NREP: variants seen among roughly 807,000 people sequenced by gnomAD.
NREP encodes neuronal regeneration related protein.
In NREP, 5 loss-of-function variants were observed where a neutral mutation model predicts 8.6. That is an observed-to-expected ratio of 0.58 (90% CI 0.30 to 1.22). The LOEUF (loss-of-function observed/expected upper bound fraction) is 1.22, where lower values mean the gene tolerates loss of function less well. Ranked by LOEUF, NREP falls within the 50% of genes most tolerant of loss-of-function variation. The pLI is 0.07. For missense variants in NREP, 86 were observed against 82.5 expected (o/e 1.04, Z -0.17); for synonymous variants, 27 against 28.0 (o/e 0.96, Z 0.11).
chr5:111,824,145 C>T (rs1206679687), intron 2 of NREP, among the ~76,000 whole-genome samples: 1 of 152,030 alleles, frequency 6.6e-6, no homozygotes, highest in South Asian at 2.1e-4. Flanking sequence ...CTGAGTCGGG[C>T]GGATCACGAG....
At chr5:111,923,043 T>A (rs548057759) in intron 2 of NREP, among the ~76,000 whole-genome samples, 1 of 152,322 alleles carries the variant, frequency 6.6e-6, no homozygotes, top group Admixed American at 6.5e-5. Flanking sequence ...AAAAGCCTAT[T>A]AATTTCCTGA....
At chr5:111,807,077 C>G (rs1032782941) in intron 2 of NREP, among the ~76,000 whole-genome samples, 1 of 151,830 alleles carries the variant, frequency 6.6e-6, no homozygotes. Flanking sequence ...GATGTCTTTA[C>G]AAGGCTGCAT....
intron 2 of NREP, among the ~76,000 whole-genome samples, chr5:111,792,372 A>G (rs1751770133): frequency 6.6e-6 from 1 of 152,238 alleles, no homozygotes; most frequent in African/African-American, 2.4e-5. Context: ...AGTTAAGAAC[A>G]AATTAACCCA....
At chr5:111,875,232 A>G (rs1753876230) in intron 2 of NREP, among the ~76,000 whole-genome samples, 1 of 152,114 alleles carries the variant, frequency 6.6e-6, no homozygotes, top group Non-Finnish European at 1.5e-5. Flanking sequence ...AGTTCCCTTA[A>G]CTATTCAGTT....
chr5:111,926,507 A>G (rs773981452), intron 2 of NREP, among the ~76,000 whole-genome samples: 3 of 152,062 alleles, frequency 2.0e-5, no homozygotes, highest in Non-Finnish European at 4.4e-5. Flanking sequence ...TACAGAAAAG[A>G]TCTAATTGTT....
intron 3 of NREP, chr5:111,732,824 A>G (rs934034646): frequency 2.0e-5 from 3 of 152,246 alleles, no homozygotes; most frequent in Admixed American, 6.5e-5. Flanking sequence ...GTTAATTGTC[A>G]CAGGCAAGAA....
chr5:111,973,863 T>C (rs1485144345), intron 2 of NREP, among the ~76,000 whole-genome samples: 2 of 152,226 alleles, frequency 1.3e-5, no homozygotes, highest in African/African-American at 2.4e-5. Context: ...TTAACTTCTT[T>C]TTCTGTCCAA....
intron 2 of NREP, among the ~76,000 whole-genome samples, chr5:111,736,831 C>T (rs1195547522): frequency 2.0e-5 from 3 of 152,124 alleles, no homozygotes; most frequent in Non-Finnish European, 4.4e-5. Flanking sequence ...TCAAAAAGGT[C>T]GACTTGCCCC....
intron 2 of NREP, among the ~76,000 whole-genome samples, chr5:111,742,713 A>G (rs1402305658): frequency 6.6e-6 from 1 of 152,084 alleles, no homozygotes; most frequent in East Asian, 1.9e-4. Flanking sequence ...CAGGTGCAGC[A>G]ACAGCCAGCT....
At chr5:111,837,643 A>G (rs1752927110) in intron 2 of NREP, among the ~76,000 whole-genome samples, 1 of 152,070 alleles carries the variant, frequency 6.6e-6, no homozygotes, top group Admixed American at 6.6e-5. Context: ...CATGTTATAG[A>G]GGAATAATAA....
chr5:111,904,036 A>C (rs1382419745), intron 2 of NREP, among the ~76,000 whole-genome samples: 1 of 152,158 alleles, frequency 6.6e-6, no homozygotes, highest in Non-Finnish European at 1.5e-5. Flanking sequence ...CATCTTAAGA[A>C]TATTTTTATA....
intron 2 of NREP, among the ~76,000 whole-genome samples, chr5:111,919,526 T>C (rs1280577499): frequency 1.3e-5 from 2 of 152,040 alleles, no homozygotes; most frequent in East Asian, 3.9e-4. Flanking sequence ...ATATACACCA[T>C]GGAATACTAT....
At chr5:111,967,681 A>T (rs1581259279) in intron 2 of NREP, among the ~76,000 whole-genome samples, 1 of 151,316 alleles carries the variant, frequency 6.6e-6, no homozygotes. Context: ...CTGCCGCCCC[A>T]TCTGGGATGT....
At chr5:111,936,966 T>C (rs1223086858) in intron 2 of NREP, among the ~76,000 whole-genome samples, 1 of 152,048 alleles carries the variant, frequency 6.6e-6, no homozygotes, top group Non-Finnish European at 1.5e-5. Context: ...TGGGCTCTCC[T>C]AAGGCCCCCA....
chr5:111,877,708 A>G (rs572849719), intron 2 of NREP, among the ~76,000 whole-genome samples: 41 of 152,338 alleles, frequency 2.7e-4, no homozygotes, highest in Admixed American at 1.4e-3. Context: ...GCTTTGTTCC[A>G]TTTATCACTC....
intron 2 of NREP, among the ~76,000 whole-genome samples, chr5:111,895,838 C>G (rs1333116755): frequency 1.3e-5 from 2 of 152,116 alleles, no homozygotes; most frequent in African/African-American, 4.8e-5. Flanking sequence ...TAACTGAGAA[C>G]CACAGGCTCA....
intron 2 of NREP, among the ~76,000 whole-genome samples, chr5:111,947,953 T>C (rs1304056787): frequency 6.6e-6 from 1 of 152,108 alleles, no homozygotes. Context: ...CGCTATATTC[T>C]ACACCTGTAA....
At chr5:111,842,286 G>A (rs1490802457) in intron 2 of NREP, among the ~76,000 whole-genome samples, 2 of 152,116 alleles carry the variant, frequency 1.3e-5, no homozygotes, top group African/African-American at 4.8e-5. Context: ...TGCTATGCTA[G>A]AGACAATGTA....
rs74734790 is a variant in NREP at position 111,956,070 on chromosome 5, C to T, written c.135+19204G>A. Reference sequence around the variant, plus strand: ...TCTCTAAATCCAAAAAATCCAGAGCCGAAACACAAACCTAAGAAGTTGCCA... The same window carrying T: ...TCTCTAAATCCAAAAAATCCAGAGCTGAAACACAAACCTAAGAAGTTGCCA... On this transcript the variant is annotated intron_variant, in intron 2 of 3. Transcript: ENST00000395634. Among the ~76,000 whole-genome samples the T allele has an allele frequency of 3.6e-4, 55 of 151,992 alleles. 1 individual carries two copies. In the East Asian group the frequency reaches 7.6e-3, roughly 21 times the overall value.
Sources: gnomAD v4.1 joint callset for allele counts (sites outside exome capture counted in the v4.1 genomes callset) on GRCh38, gnomAD v4.1.1 for gene constraint, MANE v1.5 for transcripts, NCBI Gene and HGNC (gene_info 2026-07-23, HGNC 2026-07-21) for gene names.